The following SLC39A11 variants were observed in gnomAD, a reference collection of about 807,000 sequenced individuals.
SLC39A11 encodes solute carrier family 39 member 11.
In SLC39A11, 33 loss-of-function variants were observed where a neutral mutation model predicts 36.1. That is an observed-to-expected ratio of 0.91 (90% confidence interval 0.69 to 1.22). The LOEUF (loss-of-function observed/expected upper bound fraction) is 1.22, where lower values mean the gene tolerates loss of function less well. Ranked by LOEUF, SLC39A11 falls within the 50% of genes most tolerant of loss-of-function variation. The pLI, the probability that SLC39A11 is intolerant of heterozygous loss-of-function variation, is 0.00. For missense variants in SLC39A11, 432 were observed against 430.3 expected, an observed-to-expected ratio of 1.00 and a Z score of -0.03; for synonymous variants, 166 against 170.3, an observed-to-expected ratio of 0.97 and a Z score of 0.20.
chr17:72,908,587 G>T (rs2147066494), intron 5 of SLC39A11, among the ~76,000 whole-genome samples: 1 of 152,364 alleles, frequency 6.6e-6, no homozygotes, highest in East Asian at 1.9e-4. Flanking sequence ...GGCCATCGAG[G>T]CGGATGGGTT....
chr17:72,665,018 G>A (rs546050790), intron 7 of SLC39A11, among the ~76,000 whole-genome samples: 1 of 152,170 alleles, frequency 6.6e-6, no homozygotes, highest in Admixed American at 6.5e-5. Context: ...TTGAAGGCAA[G>A]GCCACAGGAC....
At chr17:72,745,603 C>T (rs58014610) in intron 6 of SLC39A11, among the ~76,000 whole-genome samples, 6,482 of 152,224 alleles carry the variant, frequency 0.043, 182 homozygotes, top group African/African-American at 0.086. Flanking sequence ...AGCCACTATT[C>T]TCCGCCCTGT....
At chr17:72,702,939 C>CAGAAAAAAAAAA (rs2072718167) in intron 7 of SLC39A11, among the ~76,000 whole-genome samples, 1 of 86,846 alleles carries the variant, frequency 1.2e-5, no homozygotes, top group Non-Finnish European at 2.1e-5. Context: ...TCCATCTCAC[C>CAGAAAAAAAAAA]AAAAAAAAAA....
intron 7 of SLC39A11, among the ~76,000 whole-genome samples, chr17:72,695,793 G>A (rs972408679): frequency 2.0e-5 from 3 of 152,286 alleles, no homozygotes; most frequent in East Asian, 1.9e-4. Context: ...GACAGAGACC[G>A]GAATGATGCG....
intron 4 of SLC39A11, among the ~76,000 whole-genome samples, chr17:72,960,103 A>C (rs1257440893): frequency 1.3e-5 from 2 of 152,220 alleles, no homozygotes; most frequent in Non-Finnish European, 2.9e-5. Context: ...ATGAACTTTT[A>C]GGGGACAGTG....
At chr17:72,794,533 CT>C (rs1477523836) in intron 6 of SLC39A11, among the ~76,000 whole-genome samples, 5 of 152,030 alleles carry the variant, frequency 3.3e-5, no homozygotes, top group African/African-American at 1.2e-4. Context: ...GTGTCCTGTC[CT>C]CTGCCTATAT....
chr17:73,045,553 C>T (rs1315422750), intron 3 of SLC39A11, among the ~76,000 whole-genome samples: 1 of 152,110 alleles, frequency 6.6e-6, no homozygotes, highest in Admixed American at 6.5e-5. Flanking sequence ...TGGCAATGAT[C>T]TCAGCTACAC....
chr17:72,995,245 C>T (rs2089437870), intron 4 of SLC39A11, among the ~76,000 whole-genome samples: 1 of 152,110 alleles, frequency 6.6e-6, no homozygotes, highest in African/African-American at 2.4e-5. Flanking sequence ...ATGTGATTTG[C>T]CTTTCATCCA....
intron 7 of SLC39A11, among the ~76,000 whole-genome samples, chr17:72,671,702 C>A (rs1354667418): frequency 1.3e-5 from 2 of 149,344 alleles, no homozygotes; most frequent in Non-Finnish European, 3.0e-5. Flanking sequence ...GCCTGGGCAG[C>A]AAGAGCAAAA....
intron 4 of SLC39A11, among the ~76,000 whole-genome samples, chr17:73,029,220 C>G (rs1356196642): frequency 6.6e-6 from 1 of 152,096 alleles, no homozygotes; most frequent in Non-Finnish European, 1.5e-5. Context: ...CCAAATACAT[C>G]TGATACCGCC....
chr17:72,691,497 T>C (rs780609232), intron 7 of SLC39A11, among the ~76,000 whole-genome samples: 1 of 152,224 alleles, frequency 6.6e-6, no homozygotes, highest in African/African-American at 2.4e-5. Flanking sequence ...ACACCTACTT[T>C]GTGCCAGAAA....
At chr17:72,821,663 A>C (rs1163114619) in intron 6 of SLC39A11, 1 of 151,304 alleles carries the variant, frequency 6.6e-6, no homozygotes, top group Admixed American at 6.6e-5. Context: ...AGTACAACTC[A>C]AAGGAATGAA....
chr17:72,785,498 T>C lies in SLC39A11; in HGVS notation c.602-48779A>G, dbSNP rs1384445669. Among the ~76,000 whole-genome samples, 6 of 152,162 alleles carry C rather than the reference T, an allele frequency of 3.9e-5. No individual in the cohort carries two copies. In the East Asian group the frequency reaches 1.2e-3, roughly 29 times the overall value. ...TCCTGCAGTATTTGGCTCCTCCATCTCCGAAGGGGAGAGAGGGCTGAAAGA... is the reference window on the plus strand; with the variant it reads ...TCCTGCAGTATTTGGCTCCTCCATCCCCGAAGGGGAGAGAGGGCTGAAAGA... On this transcript the variant is annotated intron_variant, in intron 6 of 9. Transcript: ENST00000255559.
At chr17:72,667,382 C>A (rs936181428) in intron 7 of SLC39A11, among the ~76,000 whole-genome samples, 7 of 152,174 alleles carry the variant, frequency 4.6e-5, no homozygotes, top group Non-Finnish European at 8.8e-5. Context: ...GAGAAGCTGG[C>A]AAGAAAAGGA....
At chr17:72,868,552 C>T (rs1366261471) in intron 5 of SLC39A11, among the ~76,000 whole-genome samples, 1 of 125,552 alleles carries the variant, frequency 8.0e-6, no homozygotes. Context: ...GAGGCTAAGT[C>T]AGGAGGATGG....
intron 6 of SLC39A11, among the ~76,000 whole-genome samples, chr17:72,801,622 G>C (rs1312302969): frequency 6.6e-6 from 1 of 152,222 alleles, no homozygotes; most frequent in Non-Finnish European, 1.5e-5. Flanking sequence ...TGGTTGAACT[G>C]TATGGTATGT....
intron 3 of SLC39A11, among the ~76,000 whole-genome samples, chr17:73,070,972 A>G (rs565351206): frequency 8.8e-4 from 134 of 152,294 alleles, no homozygotes; most frequent in African/African-American, 3.2e-3. Context: ...AGGGAGCTCT[A>G]AAAATTACTG....
At chr17:72,866,432 A>G (rs1329680854) in intron 5 of SLC39A11, among the ~76,000 whole-genome samples, 1 of 152,194 alleles carries the variant, frequency 6.6e-6, no homozygotes, top group Non-Finnish European at 1.5e-5. Context: ...TACACAATAA[A>G]TGTAATGTGT....
In SLC39A11 at chr17:72,944,342, A is replaced by G. The variant is rs1470998859; in HGVS notation, c.430+3410T>C. ...TGGGGAAATTAACAATTAGTAAGAGAATCAACTGATTCACTTTTAACTACC... is the reference window on the plus strand; with the variant it reads ...TGGGGAAATTAACAATTAGTAAGAGGATCAACTGATTCACTTTTAACTACC... On this transcript the variant is annotated intron_variant, in intron 5 of 9. Transcript: ENST00000255559. Among the ~76,000 whole-genome samples, 3 of 152,222 alleles carry G rather than the reference A, an allele frequency of 2.0e-5. No individual in the cohort carries two copies. In the East Asian group the frequency reaches 5.8e-4, roughly 29 times the overall value.
Sources: gnomAD v4.1 joint callset for allele counts (sites outside exome capture counted in the v4.1 genomes callset) on GRCh38, gnomAD v4.1.1 for gene constraint, MANE v1.5 for transcripts, NCBI Gene and HGNC (gene_info 2026-07-23, HGNC 2026-07-21) for gene names.